The following LRP1B variants were observed in gnomAD, a reference collection of about 807,000 sequenced individuals.
The protein encoded by LRP1B is low-density lipoprotein receptor-related protein 1B.
In LRP1B, 217 loss-of-function variants were observed where a neutral mutation model predicts 556.6. The ratio of observed to expected loss-of-function variants is 0.39; its 90% CI spans 0.35 to 0.44. The LOEUF is 0.44. Ranked by LOEUF, LRP1B falls within the 20% of genes least tolerant of loss-of-function variation. The probability of loss-of-function intolerance (pLI) is 1.00; values close to 1 mark genes in which losing one functional copy is unlikely to be tolerated. For missense variants in LRP1B, 5,053 were observed against 5,620.8 expected, an observed-to-expected ratio of 0.90 and a Z score of 3.23; for synonymous variants, 2,047 against 1,865.8, an observed-to-expected ratio of 1.10 and a Z score of -2.50.
intron 35 of LRP1B, among the ~76,000 whole-genome samples, chr2:140,750,853 G>A (rs916973778): frequency 1.3e-5 from 2 of 152,136 alleles, no homozygotes; most frequent in African/African-American, 2.4e-5. Flanking sequence ...AAATTAAGCA[G>A]TTCTTAGATG....
intron 2 of LRP1B, among the ~76,000 whole-genome samples, chr2:141,681,104 C>A (rs1558800724): frequency 6.6e-6 from 1 of 151,902 alleles, no homozygotes. Context: ...CCAGCCTGTG[C>A]AACATAAGGA....
In LRP1B at chr2:141,526,956, A is replaced by C. The variant is rs146271404; in HGVS notation, c.206-46423T>G. 1.9e-4 allele frequency among the ~76,000 whole-genome samples: 29 copies of C among 152,212 alleles called. No homozygotes were observed. The East Asian group carries it at 5.6e-3, about 29-fold the overall frequency. ...ATCCGGATTACAGGAAAATCTTGCA[A>C]TCTCAGCATTTCAGATTCTGCAGTA... is the stretch of plus-strand genomic sequence containing the variant. On this transcript the variant is annotated intron_variant, in intron 2 of 90. Coordinates refer to ENST00000389484, the MANE Select transcript of LRP1B (RefSeq NM_018557.3).
chr2:141,980,929 G>A (rs1702026888), intron 1 of LRP1B, among the ~76,000 whole-genome samples: 1 of 151,818 alleles, frequency 6.6e-6, no homozygotes. Context: ...TGTCTGTTAA[G>A]AAGCAGGTTT....
Position 140,522,536 on chromosome 2 carries a change from C to G in LRP1B, c.8026+3308G>C, listed in dbSNP as rs1054962522. Among the ~76,000 whole-genome samples the G allele has an allele frequency of 8.6e-5, 13 of 151,556 alleles. 1 individual carries two copies. Among genetic ancestry groups the G allele is most frequent in the African/African-American group, 3.1e-4 (13 of 41,300 alleles). ...GAACCAAGGAAAGAAAAAAACTAATCCCAGAGTCAACAGAAGAAAAAAACT... is the reference window on the plus strand; with the variant it reads ...GAACCAAGGAAAGAAAAAAACTAATGCCAGAGTCAACAGAAGAAAAAAACT... On this transcript the variant is annotated intron_variant, in intron 49 of 90. Transcript: ENST00000389484.
rs1265267638 is a variant in LRP1B at position 140,850,237 on chromosome 2, C to T, written c.4804G>A (p.Val1602Ile). ...ACAGTAACGTCATCAATATCAGGGA[C>T]TGTAAATGCCGTGATGAAGTTAAAG... ...PYFNFITAFT[V>I]PDIDDVTVID... is the part of the protein sequence containing the mutation. The change falls in exon 29 of 91, where the codon GTC (valine) becomes ATC (isoleucine). Residue 1602 changes from valine to isoleucine, a missense_variant. Val to Ile is a conservative substitution (Grantham distance 29). Coordinates refer to ENST00000389484, the MANE Select transcript of LRP1B (RefSeq NM_018557.3). The T allele has an allele frequency of 2.5e-6, 4 of 1,612,830 alleles. No homozygotes were observed. Among genetic ancestry groups the T allele is most frequent in the African/African-American group, 2.7e-5 (2 of 74,868 alleles).
chr2:141,435,129 G>T (rs2104991957), intron 3 of LRP1B, among the ~76,000 whole-genome samples: 1 of 152,252 alleles, frequency 6.6e-6, no homozygotes, highest in East Asian at 1.9e-4. Context: ...GGATGATTGT[G>T]GTTTTATTTT....
At chr2:141,275,995 A>G (rs1413048469) in intron 3 of LRP1B, among the ~76,000 whole-genome samples, 2 of 152,174 alleles carry the variant, frequency 1.3e-5, no homozygotes, top group Admixed American at 6.5e-5. Context: ...TGGCCTCTCT[A>G]TAAGTTTTCA....
At chr2:140,337,388 T>TTA (rs1275272413) in intron 77 of LRP1B, among the ~76,000 whole-genome samples, 1 of 151,942 alleles carries the variant, frequency 6.6e-6, no homozygotes, top group Non-Finnish European at 1.5e-5. Context: ...ACTCTAGAAA[T>TTA]GTCATATAAA....
At chr2:141,363,572 G>A (rs969094540) in intron 3 of LRP1B, among the ~76,000 whole-genome samples, 2 of 151,928 alleles carry the variant, frequency 1.3e-5, no homozygotes, top group Non-Finnish European at 2.9e-5. Flanking sequence ...AAAATATTTA[G>A]AGTAACAGAT....
chr2:141,754,021 T>C (rs928175795), intron 2 of LRP1B, among the ~76,000 whole-genome samples: 4 of 152,210 alleles, frequency 2.6e-5, no homozygotes, highest in African/African-American at 7.2e-5. Flanking sequence ...CATAGCTATC[T>C]AGTTGTAGCT....
chr2:140,856,358 T>G (rs1692617462), intron 27 of LRP1B, among the ~76,000 whole-genome samples: 1 of 152,240 alleles, frequency 6.6e-6, no homozygotes, highest in Admixed American at 6.5e-5. Flanking sequence ...TCACGAAATA[T>G]TGGTTATAAT....
At chr2:141,106,837 C>T (rs186803969) in intron 7 of LRP1B, among the ~76,000 whole-genome samples, 98 of 152,194 alleles carry the variant, frequency 6.4e-4, no homozygotes, top group African/African-American at 1.8e-3. Flanking sequence ...TACCAATCCA[C>T]GAGTCAACCA....
At chr2:140,688,340 A>C (rs1169713631) in intron 41 of LRP1B, among the ~76,000 whole-genome samples, 2 of 152,154 alleles carry the variant, frequency 1.3e-5, no homozygotes, top group East Asian at 1.9e-4. Flanking sequence ...TTCCCTATTA[A>C]ATAATCCTTT....
intron 42 of LRP1B, among the ~76,000 whole-genome samples, 185 bp from the exon 43 acceptor site, chr2:140,599,020 A>T (rs548728400): frequency 2.6e-5 from 4 of 152,292 alleles, no homozygotes; most frequent in African/African-American, 9.6e-5. Flanking sequence ...AATTTTCCCC[A>T]GGTTCTTAAA....
At chr2:140,977,089 T>C (rs530504169) in intron 18 of LRP1B, among the ~76,000 whole-genome samples, 3 of 152,286 alleles carry the variant, frequency 2.0e-5, no homozygotes, top group East Asian at 3.9e-4. Flanking sequence ...ATATAGTAAT[T>C]TGAGGATGGT....
chr2:141,174,076 C>T (rs575978318), intron 7 of LRP1B, among the ~76,000 whole-genome samples: 1 of 151,190 alleles, frequency 6.6e-6, no homozygotes, highest in South Asian at 2.1e-4. Flanking sequence ...AGAGTATGCT[C>T]CAAAAGAAAA....
chr2:140,725,087 A>G (rs1687545220), intron 35 of LRP1B, among the ~76,000 whole-genome samples: 1 of 152,174 alleles, frequency 6.6e-6, no homozygotes, highest in Admixed American at 6.5e-5. Flanking sequence ...TTCTTTGGGG[A>G]ACTAAAATCT....
At chr2:141,205,528 T>A (rs1021939908) in intron 6 of LRP1B, among the ~76,000 whole-genome samples, 1 of 152,180 alleles carries the variant, frequency 6.6e-6, no homozygotes, top group Non-Finnish European at 1.5e-5. Context: ...TCAATAAAAT[T>A]TTTTTCACAA....
chr2:141,717,114 G>T (rs1054806885), intron 2 of LRP1B, among the ~76,000 whole-genome samples: 1 of 152,052 alleles, frequency 6.6e-6, no homozygotes, highest in Non-Finnish European at 1.5e-5. Context: ...TCAGAGGTAT[G>T]ATATAAATGT....
Sources: allele counts gnomAD v4.1 joint callset (sites outside exome capture counted in the v4.1 genomes callset), GRCh38; gene constraint gnomAD v4.1.1; transcripts MANE v1.5; gene names NCBI Gene and HGNC (gene_info 2026-07-23, HGNC 2026-07-21).